Variants in NMNAT2 observed in about 807,000 individuals in gnomAD.
The protein encoded by NMNAT2 is nicotinamide nucleotide adenylyltransferase 2.
Under a neutral mutation model 41.6 loss-of-function variants are expected in NMNAT2, and 11 were observed. The observed-to-expected ratio is 0.26, with a 90% CI of 0.17 to 0.44. NMNAT2 has a LOEUF of 0.44. NMNAT2 is among the 20% of genes least tolerant of loss of function. NMNAT2 has a pLI of 1.00. For missense variants in NMNAT2, 288 were observed against 407.7 expected, an observed-to-expected ratio of 0.71 and a Z score of 2.53; for synonymous variants, 148 against 151.2, an observed-to-expected ratio of 0.98 and a Z score of 0.16.
Position 183,286,141 on chromosome 1 carries a change from C to T in NMNAT2, c.448+521G>A, listed in dbSNP as rs371168124. Among the ~76,000 whole-genome samples, 6 of 152,310 alleles carry T rather than the reference C, an allele frequency of 3.9e-5. No individual in the cohort carries two copies. In the East Asian group the frequency reaches 1.2e-3, roughly 29 times the overall value. On this transcript the variant is annotated intron_variant, in intron 5 of 10. Transcript: ENST00000287713. ...GCTGGAGTACAGTGGCACAGTCCCC[C>T]AGTCCCTGCAACCTCCTCCTCCTGG...
intron 4 of NMNAT2, among the ~76,000 whole-genome samples, 159 bp from the exon 5 acceptor site, chr1:183,286,947 C>G (rs1355090039): frequency 6.6e-6 from 1 of 152,002 alleles, no homozygotes; most frequent in Non-Finnish European, 1.5e-5. Context: ...CATGTGGTCA[C>G]TAGGCTGGCA....
At chr1:183,410,832 C>A (rs1264748611) in intron 1 of NMNAT2, among the ~76,000 whole-genome samples, 1 of 151,512 alleles carries the variant, frequency 6.6e-6, no homozygotes, top group Non-Finnish European at 1.5e-5. Context: ...ATCCCTCCAT[C>A]TCAGCCTCCC....
chr1:183,253,786 A>T (rs1178271872), intron 10 of NMNAT2, among the ~76,000 whole-genome samples: 2 of 152,176 alleles, frequency 1.3e-5, no homozygotes, highest in South Asian at 4.1e-4. Context: ...AAGTGAAATC[A>T]TGCAATATTT....
intron 1 of NMNAT2, among the ~76,000 whole-genome samples, chr1:183,302,409 C>T (rs1661879655): frequency 6.6e-6 from 1 of 152,158 alleles, no homozygotes; most frequent in Non-Finnish European, 1.5e-5. Context: ...ACAGATTAGA[C>T]CTAAGCTAGA....
chr1:183,363,663 G>T (rs1478857253), intron 1 of NMNAT2, among the ~76,000 whole-genome samples: 1 of 152,080 alleles, frequency 6.6e-6, no homozygotes, highest in Non-Finnish European at 1.5e-5. Flanking sequence ...CAGTAGCTGA[G>T]AAATAGGAGG....
chr1:183,379,040 C>T (rs542610917), intron 1 of NMNAT2, among the ~76,000 whole-genome samples: 5 of 146,848 alleles, frequency 3.4e-5, no homozygotes, highest in African/African-American at 9.9e-5. Flanking sequence ...GAGACTCTGT[C>T]TCAAAAAATA....
At chr1:183,310,083 C>T (rs1406192079) in intron 1 of NMNAT2, among the ~76,000 whole-genome samples, 1 of 152,070 alleles carries the variant, frequency 6.6e-6, no homozygotes, top group Non-Finnish European at 1.5e-5. Flanking sequence ...AATTTGGTGA[C>T]CTTTACAGAG....
At chr1:183,338,852 T>C (rs565566258) in intron 1 of NMNAT2, among the ~76,000 whole-genome samples, 1 of 152,106 alleles carries the variant, frequency 6.6e-6, no homozygotes, top group Non-Finnish European at 1.5e-5. Context: ...AACTAGAAAC[T>C]GTCCTGTGTC....
Position 183,278,534 on chromosome 1 carries a change from C to CAAT in NMNAT2, c.651+16_651+18dup, listed in dbSNP as rs1356238692. 6.3e-7 allele frequency: 1 copy of CAAT among 1,587,412 alleles called. No individual in the cohort carries two copies. Among genetic ancestry groups the CAAT allele is most frequent in the East Asian group, 2.2e-5 (1 of 44,762 alleles). On this transcript the variant is annotated intron_variant, in intron 8 of 10. Transcript: ENST00000287713. The stretch of plus-strand genomic sequence containing the variant: ...CTCCCAGTCCCAGCTGGGTGCCAGG[C>CAAT]AATAACCTTGCTACTCACATCTGCC...
chr1:183,318,386 G>A (rs1396278417), intron 1 of NMNAT2, among the ~76,000 whole-genome samples: 1 of 152,224 alleles, frequency 6.6e-6, no homozygotes, highest in Non-Finnish European at 1.5e-5. Context: ...GAGAGGGACT[G>A]CGGAGGTGAT....
chr1:183,365,361 T>C (rs1663393248), intron 1 of NMNAT2, among the ~76,000 whole-genome samples: 1 of 152,008 alleles, frequency 6.6e-6, no homozygotes, highest in African/African-American at 2.4e-5. Flanking sequence ...AACAGGTCCA[T>C]GCAGCATCAT....
Position 183,252,587 on chromosome 1 carries a change from C to G in NMNAT2, c.*54G>C. The stretch of plus-strand genomic sequence containing the variant: ...GAGAAACAGAGAGGCAGGAGAGAAA[C>G]AGGGGGCTGACAAAGATGGAGGGGC... On this transcript the variant is annotated 3_prime_UTR_variant, in exon 11 of 11. Coordinates refer to ENST00000287713, the MANE Select transcript of NMNAT2 (RefSeq NM_015039.4). 2.4e-6 allele frequency: 3 copies of G among 1,227,896 alleles called. No homozygotes were observed. The East Asian group carries it at 7.0e-5, about 28-fold the overall frequency. The allele number at this position is 1,227,896 out of a possible 1,614,324, so 76.1% of individuals were successfully genotyped here.
chr1:183,389,736 A>AACAG (rs1648382118), intron 1 of NMNAT2, among the ~76,000 whole-genome samples: 8 of 76,426 alleles, frequency 1.0e-4, no homozygotes, highest in African/African-American at 4.6e-4. Flanking sequence ...ACCCTGTCAA[A>AACAG]AAAGAAAGAA....
intron 4 of NMNAT2, among the ~76,000 whole-genome samples, chr1:183,289,267 CTGTT>C (rs781357794): frequency 2.0e-5 from 3 of 152,200 alleles, no homozygotes; most frequent in Non-Finnish European, 2.9e-5. Context: ...GCAGAATTGA[CTGTT>C]TGCTGTCTTG....
chr1:183,288,484 G>A (rs753335832), intron 4 of NMNAT2, among the ~76,000 whole-genome samples: 3 of 152,306 alleles, frequency 2.0e-5, no homozygotes, highest in South Asian at 2.1e-4. Flanking sequence ...CAACAGCTGG[G>A]GTTCCTGGCA....
At chr1:183,347,010 C>A (rs972760852) in intron 1 of NMNAT2, among the ~76,000 whole-genome samples, 4 of 152,166 alleles carry the variant, frequency 2.6e-5, no homozygotes, top group Non-Finnish European at 4.4e-5. Context: ...CTTCCTTGAC[C>A]TTCTGGGTGG....
chr1:183,399,901 C>T (rs9425595), intron 1 of NMNAT2, among the ~76,000 whole-genome samples: 63,635 of 151,916 alleles, frequency 0.42, 14,001 homozygotes, highest in East Asian at 0.66. Flanking sequence ...TAGGTATTGA[C>T]GGGGCATATC....
At chr1:183,255,677 T>A (rs954085928) in intron 10 of NMNAT2, among the ~76,000 whole-genome samples, 5 of 149,878 alleles carry the variant, frequency 3.3e-5, no homozygotes, top group Non-Finnish European at 5.9e-5. Flanking sequence ...TTTTTTTTTT[T>A]TTTTCAGACA....
chr1:183,296,464 C>T (rs1214819497), intron 1 of NMNAT2, among the ~76,000 whole-genome samples: 1 of 151,740 alleles, frequency 6.6e-6, no homozygotes, highest in Admixed American at 6.6e-5. Flanking sequence ...TTCTTACCAG[C>T]ATTTGGCATT....
Sources: allele counts gnomAD v4.1 joint callset (sites outside exome capture counted in the v4.1 genomes callset), GRCh38; gene constraint gnomAD v4.1.1; transcripts MANE v1.5; gene names NCBI Gene and HGNC (gene_info 2026-07-23, HGNC 2026-07-21).